ANXA6: variants seen among roughly 807,000 people sequenced by gnomAD.
The protein encoded by ANXA6 is annexin A6, also known as 67 kDa calelectrin.
Under a neutral mutation model 95.4 loss-of-function variants are expected in ANXA6, and 71 were observed. That is an observed-to-expected ratio of 0.74 (90% CI 0.61 to 0.91). The LOEUF (loss-of-function observed/expected upper bound fraction) is 0.91. Ranked by LOEUF, ANXA6 falls within the 40% of genes least tolerant of loss-of-function variation. The pLI is 0.00. For synonymous variants in ANXA6, 289 were observed against 315.9 expected (o/e 0.91, Z 0.90); for missense variants, 830 against 876.4 (o/e 0.95, Z 0.67).
At chr5:151,152,512 A>C (rs1251732702) in intron 1 of ANXA6, among the ~76,000 whole-genome samples, 2 of 152,184 alleles carry the variant, frequency 1.3e-5, no homozygotes, top group African/African-American at 4.8e-5. Flanking sequence ...AGATTCAATG[A>C]AATAAGGCAG....
At chr5:151,148,006 G>A in intron 1 of ANXA6, 80 bp from the exon 2 acceptor site, 1 of 1,382,526 alleles carries the variant, frequency 7.2e-7, no homozygotes, top group Non-Finnish European at 1.0e-6. Flanking sequence ...TCCTCCCTCT[G>A]CTGTTTTCCA....
chr5:151,133,367 C>T lies in ANXA6; in HGVS notation c.547-180G>A, dbSNP rs371578215. 4.0e-5 allele frequency: 23 copies of T among 568,944 alleles called. No individual in the cohort carries two copies. In the African/African-American group the frequency reaches 4.1e-4, roughly 10 times the overall value. The allele number at this position is 568,944 out of a possible 1,614,324, so 35.2% of individuals were successfully genotyped here. On this transcript the variant is annotated intron_variant, in intron 8 of 25. Coordinates refer to ENST00000354546, the MANE Select transcript of ANXA6 (RefSeq NM_001155.5). ...TGATGGGGATACATTCTGAGAACTG[C>T]CATTGTTAGGCGACTTTGCCATTGT...
chr5:151,133,166 G>A lies in ANXA6; in HGVS notation c.568C>T (p.Leu190=), dbSNP rs746510101. Reference sequence around the variant, plus strand: ...TGGGCTTCATCTGTTCCCCATTTCAGTTCCCCTGCCTCGTATAGGTCCTGA... The same window carrying A: ...TGGGCTTCATCTGTTCCCCATTTCAATTCCCCTGCCTCGTATAGGTCCTGA... The part of the protein sequence containing the change: ...DVQDLYEAGE[L]KWGTDEAQFI... Residue 190 remains leucine (L), a synonymous_variant, in exon 9 of 26, where the codon CTG becomes TTG. Transcript: ENST00000354546. The A allele has an allele frequency of 1.9e-6, 3 of 1,593,120 alleles. No individual in the cohort carries two copies. Among genetic ancestry groups the A allele is most frequent in the Non-Finnish European group, 2.6e-6 (3 of 1,169,106 alleles).
At chr5:151,134,560 C>A in intron 7 of ANXA6, 77 bp from the exon 8 acceptor site, 1 of 1,489,434 alleles carries the variant, frequency 6.7e-7, no homozygotes, top group African/African-American at 1.4e-5. Flanking sequence ...GTGGTGGAGA[C>A]AGGGAAAGCA....
chr5:151,141,803 T>A, intron 2 of ANXA6: 1 of 791,718 alleles, frequency 1.3e-6, no homozygotes, highest in Non-Finnish European at 1.5e-6. Flanking sequence ...ACTTAAAGAG[T>A]AACACATGCC....
chr5:151,105,050 G>C (rs576969581), intron 24 of ANXA6, among the ~76,000 whole-genome samples, 195 bp downstream of exon 24: 1 of 152,176 alleles, frequency 6.6e-6, no homozygotes, highest in Non-Finnish European at 1.5e-5. Flanking sequence ...CCTCCGGGGC[G>C]GGGGAAGGCG....
intron 2 of ANXA6, chr5:151,141,649 G>A: frequency 1.0e-6 from 1 of 985,416 alleles, no homozygotes; most frequent in Non-Finnish European, 1.2e-6. Context: ...GATGCTCTCT[G>A]GTCTCTGTCT....
In ANXA6 at chr5:151,123,014, G is replaced by A. The variant is rs112839682; in HGVS notation, c.1139-3C>T. 1.2e-6 allele frequency: 2 copies of A among 1,613,062 alleles called. No homozygotes were observed. The highest frequency in any genetic ancestry group is 1.7e-6 in the Non-Finnish European group (2 of 1,179,766). ...GATGATTGTGTCTTCGTCAGTCCCT[G>A]AGTCACCAAAGCCACATGCCTCAGA... On this transcript the variant is annotated splice_region_variant and splice_polypyrimidine_tract_variant and intron_variant, in intron 15 of 25. Coordinates refer to ENST00000354546, the MANE Select transcript of ANXA6 (RefSeq NM_001155.5).
chr5:151,151,633 C>T (rs990579316), intron 1 of ANXA6, among the ~76,000 whole-genome samples: 1 of 152,202 alleles, frequency 6.6e-6, no homozygotes, highest in South Asian at 2.1e-4. Context: ...TGGGACAATA[C>T]ATCACTCCCT....
chr5:151,124,506 A>T, intron 14 of ANXA6, 139 bp from the exon 15 acceptor site: 2 of 699,102 alleles, frequency 2.9e-6, no homozygotes, highest in East Asian at 2.7e-5. Flanking sequence ...GCAGAGGTGA[A>T]GCCACAGCAG....
chr5:151,154,595 C>A (rs79733090), intron 1 of ANXA6, among the ~76,000 whole-genome samples: 2 of 152,102 alleles, frequency 1.3e-5, no homozygotes, highest in African/African-American at 2.4e-5. Context: ...CACCCAGGAC[C>A]CGCTCCATAA....
Position 151,144,994 on chromosome 5 carries a change from C to T in ANXA6, c.18+2890G>A, listed in dbSNP as rs141346452. ...ATGAATTCTGCATCTCTAAGCGCCACCTGTGCAACCACACAGGCTTCTCCT... is the reference window on the plus strand; with the variant it reads ...ATGAATTCTGCATCTCTAAGCGCCATCTGTGCAACCACACAGGCTTCTCCT... On this transcript the variant is annotated intron_variant, in intron 2 of 25. Coordinates refer to ENST00000354546, the MANE Select transcript of ANXA6 (RefSeq NM_001155.5). Among the ~76,000 whole-genome samples the T allele has an allele frequency of 4.5e-3, 688 of 152,304 alleles. 8 individuals carry two copies. Among genetic ancestry groups the T allele is most frequent in the South Asian group, 0.035 (167 of 4,812 alleles).
In ANXA6 at chr5:151,101,227, T is replaced by C. The variant is rs1461662018; in HGVS notation, c.*221A>G. The C allele has an allele frequency of 1.6e-6, 1 of 617,658 alleles. No homozygotes were observed. The highest frequency in any genetic ancestry group is 2.7e-5 in the Admixed American group (1 of 37,284). 38.3% of individuals were successfully genotyped at this position (617,658 alleles called of 1,614,324 possible). A position where few individuals can be genotyped will look rare whatever the true frequency, so the allele number is the denominator to read the frequency against. ...CAGAGGGGAGTGGAGGTGGACAGGA[T>C]CTATGGCTACGGTTTTTCAGCCGCT... On this transcript the variant is annotated 3_prime_UTR_variant, in exon 26 of 26. Transcript: ENST00000354546.
At chr5:151,117,567 T>C (rs1354773416) in intron 19 of ANXA6, among the ~76,000 whole-genome samples, 191 bp downstream of exon 19, 2 of 152,088 alleles carry the variant, frequency 1.3e-5, no homozygotes, top group Admixed American at 1.3e-4. Flanking sequence ...CTGGAGAAGG[T>C]GGTACCACGC....
intron 2 of ANXA6, among the ~76,000 whole-genome samples, chr5:151,144,098 G>C (rs1237424242): frequency 6.6e-6 from 1 of 152,172 alleles, no homozygotes; most frequent in Non-Finnish European, 1.5e-5. Flanking sequence ...AAACAATTCA[G>C]ACTCTTGTAA....
intron 16 of ANXA6, among the ~76,000 whole-genome samples, 163 bp downstream of exon 16, chr5:151,122,754 C>T (rs1765205772): frequency 6.6e-6 from 1 of 152,176 alleles, no homozygotes. Context: ...GATATGTCTG[C>T]CCAAACCCAG....
rs1384788087 is a variant in ANXA6 at position 151,129,417 on chromosome 5, C to T, written c.908G>A (p.Ser303Asn). The part of the protein sequence containing the change: ...FRTKYEKSLY[S>N]MIKNDTSGEY... ...ATGAGCTCTGCTGACCTTGATCATG[C>T]TGTAGAGGGACTTCTCATACTTGGT... is the stretch of plus-strand genomic sequence containing the variant. The change falls in exon 12 of 26, where the codon AGC becomes AAC. Residue 303 changes from serine (S) to asparagine (N), a missense_variant. Ser to Asn is a conservative substitution (Grantham distance 46, BLOSUM62 1). Transcript: ENST00000354546. 3 of 1,613,388 alleles carry T rather than the reference C, an allele frequency of 1.9e-6. No individual in the cohort carries two copies. The highest frequency in any genetic ancestry group is 2.5e-6 in the Non-Finnish European group (3 of 1,179,862).
chr5:151,120,572 A>T, intron 17 of ANXA6, among the ~76,000 whole-genome samples: 1 of 152,130 alleles, frequency 6.6e-6, no homozygotes, highest in Non-Finnish European at 1.5e-5. Flanking sequence ...CAAAAAAATT[A>T]GCTGGTCGTG....
chr5:151,154,499 C>T (rs963307549), intron 1 of ANXA6, among the ~76,000 whole-genome samples: 8 of 152,084 alleles, frequency 5.3e-5, no homozygotes, highest in African/African-American at 1.9e-4. Context: ...TATATCCATC[C>T]CACTTAGAAG....
Sources: gnomAD v4.1 joint callset for allele counts (sites outside exome capture counted in the v4.1 genomes callset) on GRCh38, gnomAD v4.1.1 for gene constraint, MANE v1.5 for transcripts, NCBI Gene and HGNC (gene_info 2026-07-23, HGNC 2026-07-21) for gene names.